MCTP1: variants seen among roughly 807,000 people sequenced by gnomAD.
MCTP1 encodes multiple C2 and transmembrane domain-containing protein 1.
A neutral mutation model predicts 120.6 loss-of-function variants in MCTP1; 69 were observed. The observed-to-expected ratio is 0.57, with a 90% CI of 0.47 to 0.70. MCTP1 has a LOEUF of 0.70. Among genes scored for constraint, MCTP1 ranks in the 30% least tolerant of loss-of-function variants. The pLI, the probability that MCTP1 is intolerant of heterozygous loss-of-function variation, is 0.00. For missense variants in MCTP1, 1,203 were observed against 1,248.8 expected, an observed-to-expected ratio of 0.96 and a Z score of 0.55; for synonymous variants, 529 against 493.1, an observed-to-expected ratio of 1.07 and a Z score of -0.96.
At chr5:94,886,519 T>G (rs1315579075) in intron 12 of MCTP1, among the ~76,000 whole-genome samples, 3 of 152,250 alleles carry the variant, frequency 2.0e-5, no homozygotes, top group Non-Finnish European at 2.9e-5. Context: ...TTAGACTTAT[T>G]TAGAAAAAGT....
At chr5:95,167,848 C>A (rs1461303903) in intron 1 of MCTP1, among the ~76,000 whole-genome samples, 1 of 152,102 alleles carries the variant, frequency 6.6e-6, no homozygotes, top group African/African-American at 2.4e-5. Context: ...CTGTAGGTTG[C>A]CTGTTCACTC....
chr5:94,714,269 T>C (rs2152556796), intron 20 of MCTP1, among the ~76,000 whole-genome samples: 1 of 152,312 alleles, frequency 6.6e-6, no homozygotes, highest in African/African-American at 2.4e-5. Flanking sequence ...AGCATTAGTT[T>C]ATTGATAATT....
intron 1 of MCTP1, among the ~76,000 whole-genome samples, chr5:95,208,833 A>G (rs575585355): frequency 6.6e-6 from 1 of 152,286 alleles, no homozygotes; most frequent in East Asian, 1.9e-4. Flanking sequence ...GAAAGTCACC[A>G]ATGATCCATT....
intron 1 of MCTP1, among the ~76,000 whole-genome samples, chr5:95,123,957 C>G (rs1307540253): frequency 6.6e-6 from 1 of 152,124 alleles, no homozygotes; most frequent in Non-Finnish European, 1.5e-5. Context: ...CCAACAAGCT[C>G]TGATTTTTTA....
At chr5:94,860,921 GC>G (rs1795665545) in intron 17 of MCTP1, among the ~76,000 whole-genome samples, 1 of 151,466 alleles carries the variant, frequency 6.6e-6, no homozygotes, top group African/African-American at 2.4e-5. Flanking sequence ...TCAAATAAAG[GC>G]CACACTTTGT....
At position 94,871,434 on chromosome 5, in the gene MCTP1, T is replaced by A. The variant is rs1302057458; in HGVS notation, c.2037-17A>T. 6.5e-7 allele frequency: 1 copy of A among 1,535,930 alleles called. No homozygotes were observed. The highest frequency in any genetic ancestry group is 9.0e-7 in the Non-Finnish European group (1 of 1,111,220). The stretch of plus-strand genomic sequence containing the variant: ...TTAATGTTGCTGCATAATAAATATA[T>A]GTAAGAAAAAAAGATTTCATCAGTA... On this transcript the variant is annotated splice_polypyrimidine_tract_variant and intron_variant, in intron 13 of 22. Transcript: ENST00000515393.
chr5:94,814,761 A>C (rs1332878300), intron 17 of MCTP1, among the ~76,000 whole-genome samples: 2 of 152,214 alleles, frequency 1.3e-5, no homozygotes, highest in Non-Finnish European at 2.9e-5. Flanking sequence ...AGAAAGAAAA[A>C]AAAAAGTTAA....
intron 19 of MCTP1, among the ~76,000 whole-genome samples, chr5:94,727,996 A>C (rs1762446309): frequency 6.6e-6 from 1 of 152,222 alleles, no homozygotes. Flanking sequence ...TATGTAGCAC[A>C]TACCTGAATA....
At chr5:95,229,109 A>G (rs919858855) in intron 1 of MCTP1, among the ~76,000 whole-genome samples, 2 of 152,352 alleles carry the variant, frequency 1.3e-5, no homozygotes, top group Admixed American at 1.3e-4. Context: ...CTTGGAGGAC[A>G]CCAATAGCTG....
chr5:95,166,579 T>C (rs2152486098), intron 1 of MCTP1, among the ~76,000 whole-genome samples: 1 of 150,758 alleles, frequency 6.6e-6, no homozygotes, highest in African/African-American at 2.4e-5. Context: ...TTTTTTTTTT[T>C]TTTTTTTGAG....
rs771223738 is a variant in MCTP1 at position 94,953,282 on chromosome 5, G to A, written c.918C>T (p.Asn306=). The change falls in exon 3 of 23, where the codon AAC becomes AAT. Residue 306 remains asparagine (N), a synonymous_variant. Coordinates refer to ENST00000515393, the MANE Select transcript of MCTP1 (RefSeq NM_024717.7). The stretch of plus-strand genomic sequence containing the variant: ...TACAAGCTTTTTCTTCCCACACAGG[G>A]TTGAGGTTCTTGTGTATTATCTTAC... ...FRSKIIHKNL[N]PVWEEKACIL... 2.4e-5 allele frequency: 39 copies of A among 1,612,176 alleles called. No homozygotes were observed. Among genetic ancestry groups the A allele is most frequent in the Non-Finnish European group, 3.3e-5 (39 of 1,178,938 alleles).
chr5:95,091,881 A>G (rs1755869571), intron 1 of MCTP1, among the ~76,000 whole-genome samples: 1 of 152,212 alleles, frequency 6.6e-6, no homozygotes, highest in Non-Finnish European at 1.5e-5. Flanking sequence ...CCTGAAATAT[A>G]TGTCATTAAG....
At chr5:94,975,482 C>T (rs988129173) in intron 2 of MCTP1, among the ~76,000 whole-genome samples, 1 of 151,954 alleles carries the variant, frequency 6.6e-6, no homozygotes, top group Non-Finnish European at 1.5e-5. Flanking sequence ...AGGTCCTCAC[C>T]AGGAACCCAA....
chr5:95,129,158 C>A (rs1758845001), intron 1 of MCTP1, among the ~76,000 whole-genome samples: 2 of 152,198 alleles, frequency 1.3e-5, no homozygotes. Flanking sequence ...CTTTACTAAA[C>A]TTCATGCAAG....
intron 1 of MCTP1, among the ~76,000 whole-genome samples, chr5:95,163,930 C>T (rs1216710280): frequency 6.6e-6 from 1 of 152,274 alleles, no homozygotes; most frequent in East Asian, 1.9e-4. Context: ...ATTTCTTTTA[C>T]AGCTCTAGTT....
chr5:94,784,095 C>G (rs1477406982), intron 18 of MCTP1, among the ~76,000 whole-genome samples: 3 of 152,028 alleles, frequency 2.0e-5, no homozygotes, highest in African/African-American at 4.8e-5. Context: ...TTAAAGAAAA[C>G]TGACACAAAA....
At chr5:94,785,720 A>T (rs980944639) in intron 18 of MCTP1, among the ~76,000 whole-genome samples, 6 of 152,136 alleles carry the variant, frequency 3.9e-5, no homozygotes, top group African/African-American at 1.4e-4. Flanking sequence ...GCATAATTTT[A>T]AATGTTTCAA....
intron 11 of MCTP1, among the ~76,000 whole-genome samples, chr5:94,891,701 A>G (rs1259940429): frequency 6.6e-6 from 1 of 151,828 alleles, no homozygotes; most frequent in Non-Finnish European, 1.5e-5. Flanking sequence ...TTTATTGCAA[A>G]TTTCAACGGT....
intron 1 of MCTP1, among the ~76,000 whole-genome samples, chr5:95,194,052 A>C (rs1437434264): frequency 1.3e-5 from 2 of 152,074 alleles, no homozygotes; most frequent in Non-Finnish European, 2.9e-5. Flanking sequence ...CTCTACAAAA[A>C]AATAACATAA....
Sources: gnomAD v4.1 joint callset for allele counts (sites outside exome capture counted in the v4.1 genomes callset) on GRCh38, gnomAD v4.1.1 for gene constraint, MANE v1.5 for transcripts, NCBI Gene and HGNC (gene_info 2026-07-23, HGNC 2026-07-21) for gene names.